The following GALNT13 variants were observed in gnomAD, a reference collection of about 807,000 sequenced individuals.
GALNT13 encodes UDP-GalNAc:polypeptide N-acetylgalactosaminyltransferase 13.
In GALNT13, 28 loss-of-function variants were observed where a neutral mutation model predicts 64.2. The observed-to-expected ratio is 0.44, with a 90% CI of 0.32 to 0.60. The LOEUF (loss-of-function observed/expected upper bound fraction) is 0.60. Ranked by LOEUF, GALNT13 falls within the 20% of genes least tolerant of loss-of-function variation. The pLI is 0.05. For missense variants in GALNT13, 577 were observed against 669.8 expected (o/e 0.86, Z 1.53); for synonymous variants, 214 against 224.6 (o/e 0.95, Z 0.42).
the GALNT13 span, among the ~76,000 whole-genome samples, chr2:153,799,422 C>T: frequency 4.0e-3 from 606 of 152,230 alleles, 3 homozygotes; most frequent in African/African-American, 0.014. Context: ...TATCGACATG[C>T]ATACCCTGAT....
the GALNT13 span, among the ~76,000 whole-genome samples, chr2:153,768,422 C>T: frequency 0.019 from 2,874 of 152,178 alleles, 87 homozygotes; most frequent in East Asian, 0.13. Flanking sequence ...GTATTGCTAT[C>T]AGTTTGTTTT....
chr2:154,127,270 TA>T (rs1371041106), intron 3 of GALNT13, among the ~76,000 whole-genome samples: 2 of 152,150 alleles, frequency 1.3e-5, no homozygotes, highest in Non-Finnish European at 2.9e-5. Flanking sequence ...AAAGCTGTTT[TA>T]AAAAGTGACC....
the GALNT13 span, among the ~76,000 whole-genome samples, chr2:153,685,597 T>C: frequency 3.9e-5 from 6 of 152,108 alleles, no homozygotes; most frequent in African/African-American, 1.4e-4. Context: ...GCAAAAATTA[T>C]CTCCCATTGT....
chr2:153,524,916 G>T, the GALNT13 span, among the ~76,000 whole-genome samples: 2 of 152,172 alleles, frequency 1.3e-5, no homozygotes, highest in Non-Finnish European at 2.9e-5. Flanking sequence ...ACTAGCCAGA[G>T]TAGCTAGAGG....
chr2:154,068,136 T>G (rs12619221), intron 3 of GALNT13, among the ~76,000 whole-genome samples: 114,979 of 151,882 alleles, frequency 0.76, 43,901 homozygotes, highest in East Asian at 0.96. Context: ...GATCATCAGA[T>G]AAATACAAAT....
chr2:153,640,825 C>A, the GALNT13 span, among the ~76,000 whole-genome samples: 3 of 152,180 alleles, frequency 2.0e-5, no homozygotes, highest in South Asian at 2.1e-4. Flanking sequence ...AGCGGAGATA[C>A]ACATTGGGAA....
intron 1 of GALNT13, among the ~76,000 whole-genome samples, chr2:153,877,758 G>A (rs1448254948): frequency 2.0e-5 from 3 of 152,092 alleles, no homozygotes; most frequent in Admixed American, 6.6e-5. Flanking sequence ...ATATGTAAAG[G>A]TGTATCCATT....
chr2:153,165,701 T>C, the GALNT13 span, among the ~76,000 whole-genome samples: 2 of 152,204 alleles, frequency 1.3e-5, no homozygotes, highest in African/African-American at 4.8e-5. Flanking sequence ...TTATTAGCTA[T>C]GCTGGTGACA....
At chr2:154,175,813 C>G (rs1389714943) in intron 4 of GALNT13, among the ~76,000 whole-genome samples, 2 of 151,872 alleles carry the variant, frequency 1.3e-5, no homozygotes, top group African/African-American at 4.8e-5. Flanking sequence ...CATGATAATC[C>G]CAGACACTTG....
the GALNT13 span, among the ~76,000 whole-genome samples, chr2:153,504,646 T>G: frequency 2.4e-4 from 37 of 152,354 alleles, 1 homozygote; most frequent in South Asian, 7.7e-3. Context: ...GATGATCATA[T>G]GATTTTTGTT....
At chr2:153,485,505 C>T in the GALNT13 span, among the ~76,000 whole-genome samples, 4 of 152,120 alleles carry the variant, frequency 2.6e-5, no homozygotes, top group African/African-American at 4.8e-5. Context: ...ATAGGTTTGC[C>T]GCCACCCAAA....
the GALNT13 span, among the ~76,000 whole-genome samples, chr2:153,739,417 G>GT: frequency 1.3e-5 from 2 of 150,848 alleles, no homozygotes; most frequent in Admixed American, 1.3e-4. Context: ...TGTGTGCAAG[G>GT]TTTTCTTCAT....
At chr2:153,538,367 ATTTATTTTATTTTAT>A in the GALNT13 span, among the ~76,000 whole-genome samples, 749 of 93,958 alleles carry the variant, frequency 8.0e-3, 3 homozygotes, top group African/African-American at 0.018. Flanking sequence ...TTTTTATTTT[ATTTATTTTATTTTAT>A]TTTATTTTAT....
At chr2:154,181,810 C>T (rs1452118211) in intron 4 of GALNT13, among the ~76,000 whole-genome samples, 4 of 151,788 alleles carry the variant, frequency 2.6e-5, no homozygotes, top group Admixed American at 2.0e-4. Flanking sequence ...AATATTTCAC[C>T]ATTTTCGTCA....
At chr2:153,443,523 C>A in the GALNT13 span, among the ~76,000 whole-genome samples, 1 of 152,356 alleles carries the variant, frequency 6.6e-6, no homozygotes, top group African/African-American at 2.4e-5. Context: ...ATAAATATGT[C>A]ACTATCCATT....
the GALNT13 span, among the ~76,000 whole-genome samples, chr2:153,204,402 A>C: frequency 6.6e-6 from 1 of 152,202 alleles, no homozygotes; most frequent in Admixed American, 6.5e-5. Context: ...TTGGGCACCA[A>C]ATGGGCCTTG....
At chr2:154,201,517 T>A (rs562703736) in intron 4 of GALNT13, among the ~76,000 whole-genome samples, 1 of 152,218 alleles carries the variant, frequency 6.6e-6, no homozygotes, top group South Asian at 2.1e-4. Flanking sequence ...CTTACTTTAT[T>A]TAAAGTGTCA....
At chr2:153,749,838 G>C in the GALNT13 span, among the ~76,000 whole-genome samples, 2 of 151,676 alleles carry the variant, frequency 1.3e-5, no homozygotes, top group African/African-American at 4.8e-5. Context: ...TTATCTGATT[G>C]CTTTAGCTAG....
the GALNT13 span, among the ~76,000 whole-genome samples, chr2:153,518,252 G>A: frequency 5.3e-5 from 8 of 151,808 alleles, no homozygotes; most frequent in African/African-American, 9.7e-5. Flanking sequence ...TTCTTTCTTC[G>A]TAGCCCTTAT....
Sources: gnomAD v4.1 joint callset for allele counts (sites outside exome capture counted in the v4.1 genomes callset) on GRCh38, gnomAD v4.1.1 for gene constraint, MANE v1.5 for transcripts, NCBI Gene and HGNC (gene_info 2026-07-23, HGNC 2026-07-21) for gene names.